MAPRE2: variants seen among roughly 807,000 people sequenced by gnomAD.
MAPRE2 encodes microtubule-associated protein RP/EB family member 2.
MAPRE2 carries 13 observed loss-of-function variants against 43.2 expected under a neutral mutation model. The ratio of observed to expected loss-of-function variants is 0.30; its 90% CI spans 0.20 to 0.48. The LOEUF (loss-of-function observed/expected upper bound fraction) is 0.48, where lower values mean the gene tolerates loss of function less well. Ranked by LOEUF, MAPRE2 falls within the 20% of genes least tolerant of loss-of-function variation. MAPRE2 has a pLI of 0.99. For synonymous variants in MAPRE2, 135 were observed against 148.8 expected (o/e 0.91, Z 0.68); for missense variants, 161 against 400.2 (o/e 0.40, Z 5.10).
intron 2 of MAPRE2, among the ~76,000 whole-genome samples, chr18:35,090,469 C>T (rs557289429): frequency 9.9e-5 from 15 of 152,140 alleles, no homozygotes; most frequent in Non-Finnish European, 1.5e-4. Context: ...TGGTGGCTCA[C>T]GCGTGTAATC....
intron 2 of MAPRE2, among the ~76,000 whole-genome samples, chr18:35,084,919 A>G (rs1032316848): frequency 5.3e-5 from 8 of 152,196 alleles, no homozygotes; most frequent in African/African-American, 1.9e-4. Flanking sequence ...AGGTAAGGTA[A>G]ACAGTGTCCA....
chr18:35,126,948 G>A lies in MAPRE2; in HGVS notation c.611G>A (p.Gly204Asp), dbSNP rs141745175. The A allele has an allele frequency of 6.2e-7, 1 of 1,613,324 alleles. No individual in the cohort carries two copies. The highest frequency in any genetic ancestry group is 8.5e-7 in the Non-Finnish European group (1 of 1,179,620). ...TATCATTTATTCTGATTGCTTTCAG[G>A]TGCAGCTAAATCAAGTCCAGCAGCT... ...KSHHANSPTA[G>D]AAKSSPAAKP... The change falls in exon 5 of 7, where the codon GGT becomes GAT. Residue 204 changes from glycine (G) to aspartate (D), a missense_variant and splice_region_variant. Transcript: ENST00000300249.
chr18:35,072,083 T>C (rs1907142330), intron 2 of MAPRE2, among the ~76,000 whole-genome samples: 1 of 152,256 alleles, frequency 6.6e-6, no homozygotes, highest in Non-Finnish European at 1.5e-5. Context: ...TATTGCAGCT[T>C]ATGCAACTTC....
At chr18:34,999,916 C>T (rs545719282) in intron 1 of MAPRE2, among the ~76,000 whole-genome samples, 3 of 151,950 alleles carry the variant, frequency 2.0e-5, no homozygotes, top group South Asian at 4.2e-4. Context: ...TAGAGAAGGC[C>T]CTGAGCCCAA....
intron 2 of MAPRE2, among the ~76,000 whole-genome samples, chr18:35,075,765 G>C (rs892553568): frequency 1.3e-4 from 19 of 151,838 alleles, no homozygotes; most frequent in Admixed American, 6.6e-4. Flanking sequence ...AAAAAAAAAA[G>C]AGTTGGATAA....
rs1910610246 is a variant in MAPRE2 at position 35,141,010 on chromosome 18, A to C, written c.*641A>C. The C allele has an allele frequency of 6.6e-6, 1 of 152,276 alleles. No individual in the cohort carries two copies. The highest frequency in any genetic ancestry group is 2.1e-4 in the South Asian group (1 of 4,830). 9.4% of individuals were successfully genotyped at this position (152,276 alleles called of 1,614,324 possible). Reference sequence around the variant, plus strand: ...GGCCCAGCAGTGTTCCTCCATCAGCATGTTAGACAACTACACAGTATGTTG... The same window carrying C: ...GGCCCAGCAGTGTTCCTCCATCAGCCTGTTAGACAACTACACAGTATGTTG... On this transcript the variant is annotated 3_prime_UTR_variant, in exon 7 of 7. Coordinates refer to ENST00000300249, the MANE Select transcript of MAPRE2 (RefSeq NM_014268.4).
At chr18:35,111,076 T>C (rs1188141672) in intron 4 of MAPRE2, among the ~76,000 whole-genome samples, 2 of 152,132 alleles carry the variant, frequency 1.3e-5, no homozygotes, top group Non-Finnish European at 2.9e-5. Flanking sequence ...TTTATCCATA[T>C]GTTAGAGCTT....
chr18:35,068,350 G>A (rs1906936978), intron 1 of MAPRE2, among the ~76,000 whole-genome samples: 1 of 152,050 alleles, frequency 6.6e-6, no homozygotes, highest in Admixed American at 6.5e-5. Flanking sequence ...AGTTGGCCTT[G>A]GAACATCTCG....
chr18:35,061,759 T>C (rs1005261922), intron 1 of MAPRE2, among the ~76,000 whole-genome samples: 31 of 152,262 alleles, frequency 2.0e-4, no homozygotes, highest in African/African-American at 7.5e-4. Context: ...GATTTTATCC[T>C]GTCAAGGTTT....
intron 6 of MAPRE2, among the ~76,000 whole-genome samples, chr18:35,135,176 G>C (rs1910330884): frequency 6.6e-6 from 1 of 152,234 alleles, no homozygotes; most frequent in South Asian, 2.1e-4. Flanking sequence ...AGGCTATACT[G>C]AGTTTTCTAC....
intron 1 of MAPRE2, among the ~76,000 whole-genome samples, chr18:35,066,912 A>G (rs1906863070): frequency 6.6e-6 from 1 of 152,242 alleles, no homozygotes; most frequent in African/African-American, 2.4e-5. Flanking sequence ...TCCCATCAGC[A>G]GGGGTGTTAA....
Position 34,992,670 on chromosome 18 carries a change from C to T in MAPRE2, c.-69-12822C>T, listed in dbSNP as rs556788950. 1.2e-4 allele frequency among the ~76,000 whole-genome samples: 18 copies of T among 152,122 alleles called. No individual in the cohort carries two copies. In the South Asian group the frequency reaches 2.5e-3, roughly 21 times the overall value. Reference sequence around the variant, plus strand: ...GGGAATCCATAAATTACATTTTAAACGTGAGGAAAACATGCAGTTTTGATA... The same window carrying T: ...GGGAATCCATAAATTACATTTTAAATGTGAGGAAAACATGCAGTTTTGATA... On this transcript the variant is annotated intron_variant, in intron 1 of 7. Coordinates refer to the MAPRE2 transcript ENST00000413393.
Position 35,143,071 on chromosome 18 carries a change from G to GAAAAAAAA in MAPRE2, c.*2713_*2720dup, listed in dbSNP as rs10715274. 1.6e-5 allele frequency: 2 copies of GAAAAAAAA among 126,518 alleles called. No individual in the cohort carries two copies. Among genetic ancestry groups the GAAAAAAAA allele is most frequent in the African/African-American group, 3.0e-5 (1 of 33,806 alleles). 7.8% of individuals were successfully genotyped at this position (126,518 alleles called of 1,614,324 possible). ...ATATTTGTTCTAAGCAGAAAAGCAG[G>GAAAAAAAA]AAAAAAAAAAAAAAAAAAGAAAGAA... On this transcript the variant is annotated 3_prime_UTR_variant, in exon 7 of 7. Transcript: ENST00000300249.
At chr18:35,126,070 A>G (rs906924726) in intron 4 of MAPRE2, among the ~76,000 whole-genome samples, 2 of 152,194 alleles carry the variant, frequency 1.3e-5, no homozygotes, top group African/African-American at 4.8e-5. Flanking sequence ...CATTTCTTGC[A>G]TATTTAGTGG....
At chr18:35,123,343 A>T (rs2144229206) in intron 4 of MAPRE2, among the ~76,000 whole-genome samples, 1 of 152,276 alleles carries the variant, frequency 6.6e-6, no homozygotes, top group African/African-American at 2.4e-5. Context: ...ATACCAGAAC[A>T]TGAGTGTGTC....
At chr18:35,100,678 T>C (rs1908634100) in intron 3 of MAPRE2, among the ~76,000 whole-genome samples, 1 of 152,124 alleles carries the variant, frequency 6.6e-6, no homozygotes, top group South Asian at 2.1e-4. Flanking sequence ...TCATCTCCAC[T>C]CTCTAGTAAC....
intron 3 of MAPRE2, among the ~76,000 whole-genome samples, chr18:35,099,223 C>G (rs1016510797): frequency 3.5e-4 from 54 of 152,178 alleles, no homozygotes; most frequent in Non-Finnish European, 1.0e-4. Flanking sequence ...TTTTTATGCT[C>G]TAAAAAGCCT....
chr18:35,085,132 C>T (rs1907812388), intron 2 of MAPRE2, among the ~76,000 whole-genome samples: 1 of 152,158 alleles, frequency 6.6e-6, no homozygotes, highest in Non-Finnish European at 1.5e-5. Flanking sequence ...AGCATTATTT[C>T]ACAATTGCCA....
chr18:35,095,390 A>ACACG (rs1176071976), intron 2 of MAPRE2, among the ~76,000 whole-genome samples: 1,843 of 145,740 alleles, frequency 0.013, 13 homozygotes, highest in Non-Finnish European at 0.019. Flanking sequence ...ACACACACAC[A>ACACG]CACACACACA....
Sources: gnomAD v4.1 joint callset for allele counts (sites outside exome capture counted in the v4.1 genomes callset) on GRCh38, gnomAD v4.1.1 for gene constraint, MANE v1.5 for transcripts, NCBI Gene and HGNC (gene_info 2026-07-23, HGNC 2026-07-21) for gene names.